Variants in ACBD6 observed in about 807,000 individuals in gnomAD.
ACBD6 encodes the protein acyl-CoA binding domain containing 6, also known as acyl-CoA-binding domain-containing protein 6.
ACBD6 carries 28 observed loss-of-function variants against 37.2 expected under a neutral mutation model. That is an observed-to-expected ratio of 0.75 (90% CI 0.56 to 1.03). ACBD6 has a LOEUF of 1.03. Among genes scored for constraint, ACBD6 ranks in the 50% least tolerant of loss-of-function variants. The pLI is 0.00. For missense variants in ACBD6, 340 were observed against 337.4 expected (o/e 1.01, Z -0.06); for synonymous variants, 113 against 126.8 (o/e 0.89, Z 0.73).
intron 3 of ACBD6, among the ~76,000 whole-genome samples, chr1:180,456,494 A>G (rs1034945471): frequency 1.3e-5 from 2 of 152,138 alleles, no homozygotes; most frequent in Non-Finnish European, 2.9e-5. Context: ...ATCCATAGCA[A>G]ACTTCACCTA....
intron 8 of ACBD6, among the ~76,000 whole-genome samples, chr1:180,282,294 A>G (rs1182950693): frequency 6.6e-6 from 1 of 151,990 alleles, no homozygotes; most frequent in Non-Finnish European, 1.5e-5. Flanking sequence ...GTTGGCTGGG[A>G]GGGGTTGGGG....
chr1:180,358,099 G>A (rs1266418112), intron 6 of ACBD6, among the ~76,000 whole-genome samples: 1 of 152,138 alleles, frequency 6.6e-6, no homozygotes, highest in Admixed American at 6.5e-5. Context: ...CATTCTACAT[G>A]TCTGCAACTT....
chr1:180,469,634 C>G (rs939096398), intron 3 of ACBD6, among the ~76,000 whole-genome samples: 1 of 152,076 alleles, frequency 6.6e-6, no homozygotes, highest in Non-Finnish European at 1.5e-5. Flanking sequence ...AAATTGATCC[C>G]GTAAGAATCG....
intron 4 of ACBD6, among the ~76,000 whole-genome samples, chr1:180,417,127 G>A (rs1465009192): frequency 1.3e-5 from 2 of 152,144 alleles, no homozygotes; most frequent in African/African-American, 2.4e-5. Context: ...GTGGGCTCTA[G>A]GGTACATAAA....
chr1:180,413,576 C>T, intron 4 of ACBD6, 105 bp from the exon 5 acceptor site: 1 of 875,002 alleles, frequency 1.1e-6, no homozygotes, highest in Admixed American at 2.4e-5. Flanking sequence ...ATGGACTCTG[C>T]TTACAAAAAA....
intron 1 of ACBD6, among the ~76,000 whole-genome samples, chr1:180,500,067 G>A (rs1307202724): frequency 1.3e-5 from 2 of 151,180 alleles, no homozygotes; most frequent in Non-Finnish European, 2.9e-5. Flanking sequence ...TGAGCTATGA[G>A]TGTGTAACTG....
At chr1:180,493,967 G>A (rs1284961774) in intron 2 of ACBD6, among the ~76,000 whole-genome samples, 1 of 152,084 alleles carries the variant, frequency 6.6e-6, no homozygotes, top group African/African-American at 2.4e-5. Context: ...GTAATATATA[G>A]GTGACATGCC....
intron 6 of ACBD6, among the ~76,000 whole-genome samples, chr1:180,342,328 T>C (rs1386323788): frequency 1.3e-5 from 2 of 152,190 alleles, no homozygotes; most frequent in Admixed American, 6.5e-5. Context: ...TCTGAATTGT[T>C]TGTATGCGTC....
chr1:180,318,163 G>GT (rs1650891756), intron 6 of ACBD6, among the ~76,000 whole-genome samples: 1 of 31,402 alleles, frequency 3.2e-5, no homozygotes, highest in African/African-American at 1.6e-4. Context: ...TTCCATCTCC[G>GT]CCCCCCCCCC....
intron 4 of ACBD6, among the ~76,000 whole-genome samples, chr1:180,419,343 T>A (rs1425049577): frequency 6.6e-6 from 1 of 152,208 alleles, no homozygotes; most frequent in African/African-American, 2.4e-5. Flanking sequence ...TAAATGCAAA[T>A]TTTTTTCATG....
At chr1:180,472,724 T>C (rs1033256648) in intron 3 of ACBD6, among the ~76,000 whole-genome samples, 1 of 152,172 alleles carries the variant, frequency 6.6e-6, no homozygotes, top group African/African-American at 2.4e-5. Flanking sequence ...GAAAAACACA[T>C]TCTAAAGTAC....
chr1:180,326,914 A>G (rs1471853141), intron 6 of ACBD6, among the ~76,000 whole-genome samples: 1 of 152,108 alleles, frequency 6.6e-6, no homozygotes, highest in African/African-American at 2.4e-5. Flanking sequence ...GTGGCTGAGC[A>G]GGTATCCAAG....
At chr1:180,494,814 TAAGAG>T (rs770220589) in intron 2 of ACBD6, among the ~76,000 whole-genome samples, 1 of 152,202 alleles carries the variant, frequency 6.6e-6, no homozygotes, top group Non-Finnish European at 1.5e-5. Flanking sequence ...TTAGACAAGG[TAAGAG>T]AAGATAAGGT....
At chr1:180,484,575 T>C (rs1651184115) in intron 3 of ACBD6, among the ~76,000 whole-genome samples, 1 of 152,152 alleles carries the variant, frequency 6.6e-6, no homozygotes, top group Non-Finnish European at 1.5e-5. Flanking sequence ...ATTACAGGTA[T>C]GAATATAAAC....
At chr1:180,411,895 C>T (rs1031159228) in intron 5 of ACBD6, among the ~76,000 whole-genome samples, 76 of 152,228 alleles carry the variant, frequency 5.0e-4, no homozygotes, top group African/African-American at 1.6e-3. Context: ...TGGTCTCAAG[C>T]TCCTGGCCTC....
intron 1 of ACBD6, among the ~76,000 whole-genome samples, chr1:180,501,558 T>A (rs951408044): frequency 6.6e-6 from 1 of 152,142 alleles, no homozygotes; most frequent in African/African-American, 2.4e-5. Context: ...CCTCAGGTGA[T>A]CCTCCCGCCT....
At chr1:180,399,633 G>A (rs2101954330) in intron 5 of ACBD6, among the ~76,000 whole-genome samples, 1 of 152,302 alleles carries the variant, frequency 6.6e-6, no homozygotes, top group Admixed American at 6.5e-5. Context: ...GAGTTCTAGA[G>A]CAGTTTCCTA....
At chr1:180,334,907 A>C (rs796959027) in intron 6 of ACBD6, among the ~76,000 whole-genome samples, 23 of 152,358 alleles carry the variant, frequency 1.5e-4, no homozygotes, top group African/African-American at 4.6e-4. Flanking sequence ...AAGAAAGGGT[A>C]TCAGTGATAG....
intron 4 of ACBD6, among the ~76,000 whole-genome samples, chr1:180,415,108 A>AAAACAAAC (rs1003636535): frequency 5.3e-5 from 8 of 151,862 alleles, no homozygotes; most frequent in African/African-American, 1.5e-4. Flanking sequence ...ACAAAAACAA[A>AAAACAAAC]AAACAAACAA....
Sources: gnomAD v4.1 joint callset for allele counts (sites outside exome capture counted in the v4.1 genomes callset) on GRCh38, gnomAD v4.1.1 for gene constraint, MANE v1.5 for transcripts, NCBI Gene and HGNC (gene_info 2026-07-23, HGNC 2026-07-21) for gene names.